The following TRPC4 variants were observed in gnomAD, a reference collection of about 807,000 sequenced individuals.
The protein encoded by TRPC4 is short transient receptor potential channel 4.
TRPC4 carries 49 observed loss-of-function variants against 99.4 expected under a neutral mutation model. That is an observed-to-expected ratio of 0.49 (90% CI 0.39 to 0.63). TRPC4 has a LOEUF of 0.63. Among genes scored for constraint, TRPC4 ranks in the 20% least tolerant of loss-of-function variants. TRPC4 has a pLI of 0.00. For missense variants in TRPC4, 898 were observed against 1,152.9 expected (o/e 0.78, Z 3.20); for synonymous variants, 454 against 425.9 (o/e 1.07, Z -0.81).
chr13:37,697,429 G>T (rs536270025), intron 3 of TRPC4, among the ~76,000 whole-genome samples: 1 of 152,166 alleles, frequency 6.6e-6, no homozygotes, highest in African/African-American at 2.4e-5. Context: ...GATAGATTTC[G>T]ACAGTGACAG....
At chr13:37,859,282 T>G (rs533217350) in intron 1 of TRPC4, among the ~76,000 whole-genome samples, 8 of 151,506 alleles carry the variant, frequency 5.3e-5, no homozygotes, top group African/African-American at 1.7e-4. Context: ...ACATACATCT[T>G]TATTTGGAGG....
chr13:37,753,109 A>T (rs1955982463), intron 2 of TRPC4, among the ~76,000 whole-genome samples: 1 of 151,962 alleles, frequency 6.6e-6, no homozygotes, highest in African/African-American at 2.4e-5. Flanking sequence ...AGATTTTTTT[A>T]ATCAGAAAAG....
intron 2 of TRPC4, among the ~76,000 whole-genome samples, chr13:37,746,934 T>A (rs959521457): frequency 6.6e-6 from 1 of 152,184 alleles, no homozygotes; most frequent in Admixed American, 6.5e-5. Context: ...TTGTTTTTAC[T>A]GTGTTTTAGC....
chr13:37,675,317 A>G (rs1378057958), intron 4 of TRPC4, among the ~76,000 whole-genome samples: 1 of 152,200 alleles, frequency 6.6e-6, no homozygotes, highest in Non-Finnish European at 1.5e-5. Flanking sequence ...ACTTTAAAAT[A>G]TATGCACGTT....
At chr13:37,811,072 T>C (rs1957672618) in intron 1 of TRPC4, among the ~76,000 whole-genome samples, 2 of 152,152 alleles carry the variant, frequency 1.3e-5, no homozygotes, top group Admixed American at 1.3e-4. Context: ...CCTATATCTA[T>C]TCTACTTACA....
chr13:37,821,538 C>T (rs1018723975), intron 1 of TRPC4, among the ~76,000 whole-genome samples: 1 of 152,066 alleles, frequency 6.6e-6, no homozygotes, highest in African/African-American at 2.4e-5. Flanking sequence ...AAACTGAAGG[C>T]ATCACATTGC....
chr13:37,861,659 G>A (rs571243283), intron 1 of TRPC4, among the ~76,000 whole-genome samples: 4 of 151,536 alleles, frequency 2.6e-5, no homozygotes, highest in Non-Finnish European at 5.9e-5. Context: ...TTCCAAGAAC[G>A]TGCTGGAGTG....
rs201668290 is a variant in TRPC4, at chr13:37,703,670, AT to A, written c.898-11336del. ...ATTAGAATGACTAAAATTAAAAAAA[AT>A]ATCTAATTAAAACATATGTTGATAC... On this transcript the variant is annotated intron_variant, in intron 3 of 10. Coordinates refer to ENST00000379705, the MANE Select transcript of TRPC4 (RefSeq NM_016179.4). Among the ~76,000 whole-genome samples the A allele has an allele frequency of 9.8e-3, 1,495 of 152,296 alleles. 12 individuals carry two copies. The highest frequency in any genetic ancestry group is 0.029 in the African/African-American group (1,198 of 41,568).
intron 8 of TRPC4, among the ~76,000 whole-genome samples, chr13:37,640,250 T>A (rs1033204791): frequency 3.3e-5 from 5 of 152,148 alleles, no homozygotes; most frequent in Non-Finnish European, 5.9e-5. Context: ...ACCTTGGTTT[T>A]AAAATGAGGC....
intron 2 of TRPC4, among the ~76,000 whole-genome samples, chr13:37,757,137 T>A (rs1344376487): frequency 6.6e-6 from 1 of 152,020 alleles, no homozygotes; most frequent in East Asian, 1.9e-4. Context: ...GTACATTAAA[T>A]AAAAAGTTAC....
At chr13:37,744,895 A>G (rs1955693724) in intron 3 of TRPC4, among the ~76,000 whole-genome samples, 2 of 152,224 alleles carry the variant, frequency 1.3e-5, no homozygotes, top group African/African-American at 4.8e-5. Flanking sequence ...AAGAAGTATG[A>G]GATTCTGTTA....
At chr13:37,745,454 A>G (rs375044454) in intron 3 of TRPC4, among the ~76,000 whole-genome samples, 7 of 3,106 alleles carry the variant, frequency 2.3e-3, no homozygotes, top group Non-Finnish European at 6.3e-3. Flanking sequence ...ATATATATAT[A>G]TATATATATA....
At chr13:37,663,391 C>A in intron 6 of TRPC4, 25 bp downstream of exon 6, 1 of 1,587,046 alleles carries the variant, frequency 6.3e-7, no homozygotes, top group South Asian at 1.2e-5. Context: ...ACAACATTAC[C>A]AGTAGAAATG....
chr13:37,764,813 C>CTTTTTTTTT, intron 2 of TRPC4, among the ~76,000 whole-genome samples: 1 of 129,380 alleles, frequency 7.7e-6, no homozygotes, highest in Admixed American at 7.8e-5. Context: ...TTATCAAATG[C>CTTTTTTTTT]TTTTTTTTTT....
intron 3 of TRPC4, among the ~76,000 whole-genome samples, chr13:37,711,289 G>A (rs1209495018): frequency 1.3e-5 from 2 of 151,882 alleles, no homozygotes; most frequent in African/African-American, 4.8e-5. Context: ...GATGATCATA[G>A]AAATGGTTAT....
chr13:37,868,848 T>C (rs908871635), intron 1 of TRPC4, among the ~76,000 whole-genome samples: 1 of 152,132 alleles, frequency 6.6e-6, no homozygotes. Flanking sequence ...TCCTCAGCTC[T>C]CCTAAACCCT....
intron 1 of TRPC4, among the ~76,000 whole-genome samples, chr13:37,830,014 G>A (rs898492923): frequency 6.6e-6 from 1 of 152,202 alleles, no homozygotes; most frequent in African/African-American, 2.4e-5. Flanking sequence ...AGAATTGGGA[G>A]TGACTGCTAA....
At chr13:37,848,410 C>T (rs1232321587) in intron 1 of TRPC4, among the ~76,000 whole-genome samples, 6 of 152,006 alleles carry the variant, frequency 3.9e-5, no homozygotes, top group African/African-American at 9.7e-5. Context: ...ATCCATAGAA[C>T]ATTATGACAA....
In TRPC4 at chr13:37,795,249, T is replaced by A. The variant is rs558223813; in HGVS notation, c.-27-11889A>T. Among the ~76,000 whole-genome samples, 17 of 152,286 alleles carry A rather than the reference T, an allele frequency of 1.1e-4. No individual in the cohort carries two copies. In the South Asian group the frequency reaches 1.9e-3, roughly 17 times the overall value. ...TGGCATATTCTGTGTTGGATCAGGATGATTTTGCAGGCTGAGGATGTAAAG... is the reference window on the plus strand; with the variant it reads ...TGGCATATTCTGTGTTGGATCAGGAAGATTTTGCAGGCTGAGGATGTAAAG... On this transcript the variant is annotated intron_variant, in intron 1 of 10. Transcript: ENST00000379705.
Sources: allele counts gnomAD v4.1 joint callset (sites outside exome capture counted in the v4.1 genomes callset), GRCh38; gene constraint gnomAD v4.1.1; transcripts MANE v1.5; gene names NCBI Gene and HGNC (gene_info 2026-07-23, HGNC 2026-07-21).